Variants in TRAF3 observed in about 807,000 individuals in gnomAD.
TRAF3 encodes the protein TNF receptor-associated factor 3.
Under a neutral mutation model 62.3 loss-of-function variants are expected in TRAF3, and 13 were observed. That is an observed-to-expected ratio of 0.21 (90% confidence interval 0.14 to 0.33). The LOEUF (loss-of-function observed/expected upper bound fraction) is 0.33. Among genes scored for constraint, TRAF3 ranks in the 10% least tolerant of loss-of-function variants. TRAF3 has a pLI of 1.00. For missense variants in TRAF3, 440 were observed against 741.8 expected, an observed-to-expected ratio of 0.59 and a Z score of 4.73; for synonymous variants, 269 against 283.4, an observed-to-expected ratio of 0.95 and a Z score of 0.51.
At chr14:102,816,373 G>A (rs542298325) in intron 1 of TRAF3, among the ~76,000 whole-genome samples, 225 of 152,222 alleles carry the variant, frequency 1.5e-3, no homozygotes, top group African/African-American at 4.5e-3. Context: ...AAAGTGCTAC[G>A]ATTACATGCA....
chr14:102,869,953 AG>A (rs1406738989), intron 2 of TRAF3, among the ~76,000 whole-genome samples: 1 of 151,988 alleles, frequency 6.6e-6, no homozygotes, highest in African/African-American at 2.4e-5. Flanking sequence ...TATACTTTTT[AG>A]GAAGTTTTTT....
At chr14:102,788,667 G>A (rs941685941) in intron 1 of TRAF3, among the ~76,000 whole-genome samples, 3 of 152,120 alleles carry the variant, frequency 2.0e-5, no homozygotes, top group African/African-American at 4.8e-5. Context: ...GCGTGGTGGC[G>A]CATGCCTCTA....
At chr14:102,837,653 A>C (rs76380049) in intron 2 of TRAF3, among the ~76,000 whole-genome samples, 1 of 151,718 alleles carries the variant, frequency 6.6e-6, no homozygotes, top group Non-Finnish European at 1.5e-5. Flanking sequence ...AAAAAAAAAA[A>C]GATACTTGGT....
rs1426485143 is a variant in TRAF3, at chr14:102,910,858, C to G, written c.*5074C>G. Reference sequence around the variant, plus strand: ...GATGACTGGATTTGACAACTTAGTCCCCTCAGACAAGTAAGATACCCTCCA... The same window carrying G: ...GATGACTGGATTTGACAACTTAGTCGCCTCAGACAAGTAAGATACCCTCCA... On this transcript the variant is annotated 3_prime_UTR_variant, in exon 12 of 12. Coordinates refer to ENST00000392745, the MANE Select transcript of TRAF3 (RefSeq NM_145725.3). 1 of 152,144 alleles carries G rather than the reference C, an allele frequency of 6.6e-6. No individual in the cohort carries two copies. Among genetic ancestry groups the G allele is most frequent in the East Asian group, 1.9e-4 (1 of 5,194 alleles). 9.4% of individuals were successfully genotyped at this position (152,144 alleles called of 1,614,324 possible).
chr14:102,850,688 TAAAAAAAAA>T (rs35096461), intron 2 of TRAF3, among the ~76,000 whole-genome samples: 8 of 87,518 alleles, frequency 9.1e-5, no homozygotes, highest in African/African-American at 1.5e-4. Context: ...AGACTCCGTC[TAAAAAAAAA>T]AAAAAAAAAA....
intron 6 of TRAF3, among the ~76,000 whole-genome samples, chr14:102,885,737 G>A (rs1161216839): frequency 6.6e-6 from 1 of 152,190 alleles, no homozygotes; most frequent in Non-Finnish European, 1.5e-5. Flanking sequence ...TCCAAACTAA[G>A]AGGCCAAGGG....
chr14:102,818,079 C>T (rs1354376595), intron 1 of TRAF3, among the ~76,000 whole-genome samples: 3 of 152,164 alleles, frequency 2.0e-5, no homozygotes. Flanking sequence ...GTGGTGGAGG[C>T]AGGCAGGGCC....
At chr14:102,809,482 A>G (rs558354329) in intron 1 of TRAF3, among the ~76,000 whole-genome samples, 5 of 150,982 alleles carry the variant, frequency 3.3e-5, no homozygotes, top group Non-Finnish European at 7.4e-5. Context: ...TGTATCCCAA[A>G]TGAGGATTAT....
rs543749180 is a variant in TRAF3 at position 102,778,716 on chromosome 14, A to AT, written c.-157+1049dup. On this transcript the variant is annotated intron_variant, in intron 1 of 11. Coordinates refer to ENST00000392745, the MANE Select transcript of TRAF3 (RefSeq NM_145725.3). ...TACAACTGAAGAGGAGCCATTATTTATTTTTTTTCCTAGCATTTGCTGCGA... is the reference window on the plus strand; with the variant it reads ...TACAACTGAAGAGGAGCCATTATTTATTTTTTTTTCCTAGCATTTGCTGCGA... 4.8e-4 allele frequency among the ~76,000 whole-genome samples: 73 copies of AT among 151,824 alleles called. 2 individuals carry two copies. The South Asian group carries it at 0.013, about 27-fold the overall frequency.
chr14:102,845,980 C>CAAAA (rs35353834), intron 2 of TRAF3, among the ~76,000 whole-genome samples: 8 of 56,882 alleles, frequency 1.4e-4, no homozygotes, highest in Admixed American at 2.7e-4. Context: ...GACCGTGTCT[C>CAAAA]AAAAAAAAAA....
At position 102,885,394 on chromosome 14, in the gene TRAF3, G is replaced by A. The variant is rs76540060; in HGVS notation, c.571-795G>A. Among the ~76,000 whole-genome samples, 923 of 152,280 alleles carry A rather than the reference G, an allele frequency of 6.1e-3. 9 individuals carry two copies. The highest frequency in any genetic ancestry group is 9.5e-3 in the South Asian group (46 of 4,824). On this transcript the variant is annotated intron_variant, in intron 6 of 11. Transcript: ENST00000392745. ...TGGGAAACCGCTGCCACAGTCTTCT[G>A]CTCAGCAGGGACTGTTCAGCGTGGC...
chr14:102,855,254 A>G (rs1003705823), intron 2 of TRAF3, among the ~76,000 whole-genome samples: 2 of 152,078 alleles, frequency 1.3e-5, no homozygotes, highest in Non-Finnish European at 2.9e-5. Context: ...GGTGGTTTCT[A>G]CCTTTTTGGT....
intron 1 of TRAF3, chr14:102,810,874 A>C (rs898785705): frequency 2.0e-5 from 3 of 152,232 alleles, no homozygotes; most frequent in African/African-American, 7.2e-5. Context: ...AGGTACCCCG[A>C]GTCCATTACA....
rs1038682229 is a variant in TRAF3, at chr14:102,905,089, G to T, written c.1136-124G>T. The T allele has an allele frequency of 7.9e-6, 8 of 1,015,874 alleles. No individual in the cohort carries two copies. The African/African-American group carries it at 1.3e-4, about 16-fold the overall frequency. 62.9% of individuals were successfully genotyped at this position (1,015,874 alleles called of 1,614,324 possible). A position where few individuals can be genotyped will look rare whatever the true frequency, so the allele number is the denominator to read the frequency against. On this transcript the variant is annotated intron_variant, in intron 11 of 11. Transcript: ENST00000392745. ...ATGGTGCCACTGCACTCCAGTCTGG[G>T]CAACAGAGCGAGACTCCGTCTCAAA...
At chr14:102,796,208 T>G (rs531614657) in intron 1 of TRAF3, among the ~76,000 whole-genome samples, 2 of 152,196 alleles carry the variant, frequency 1.3e-5, no homozygotes, top group South Asian at 4.1e-4. Context: ...ACAGCAAGAC[T>G]GTCTCAAAAA....
In TRAF3 at chr14:102,909,129, C is replaced by G. The variant is rs1438720605; in HGVS notation, c.*3345C>G. 6.6e-6 allele frequency: 1 copy of G among 152,312 alleles called. No individual in the cohort carries two copies. Among genetic ancestry groups the G allele is most frequent in the Non-Finnish European group, 1.5e-5 (1 of 68,116 alleles). 9.4% of individuals were successfully genotyped at this position (152,312 alleles called of 1,614,324 possible). On this transcript the variant is annotated 3_prime_UTR_variant, in exon 12 of 12. Coordinates refer to ENST00000392745, the MANE Select transcript of TRAF3 (RefSeq NM_145725.3). ...TGGCTTTGGGACTAGACATGCCAGC[C>G]CCAGCTGGGCTGGAGGGAGCCTGAG...
chr14:102,801,023 G>A (rs955571350), intron 1 of TRAF3, among the ~76,000 whole-genome samples: 7 of 152,074 alleles, frequency 4.6e-5, no homozygotes, highest in Non-Finnish European at 4.4e-5. Flanking sequence ...AAAATTAGCC[G>A]GGCGCAGTGG....
chr14:102,789,209 T>C (rs1470104208), intron 1 of TRAF3, among the ~76,000 whole-genome samples: 1 of 152,248 alleles, frequency 6.6e-6, no homozygotes, highest in African/African-American at 2.4e-5. Flanking sequence ...TTCCTTTTTA[T>C]TGCTGAATCA....
intron 1 of TRAF3, among the ~76,000 whole-genome samples, chr14:102,778,431 C>A (rs766811861): frequency 3.9e-5 from 6 of 152,204 alleles, no homozygotes; most frequent in Admixed American, 6.5e-5. Flanking sequence ...CGGTTGGAAA[C>A]AGTAACAAAC....
Sources: allele counts gnomAD v4.1 joint callset (sites outside exome capture counted in the v4.1 genomes callset), GRCh38; gene constraint gnomAD v4.1.1; transcripts MANE v1.5; gene names NCBI Gene and HGNC (gene_info 2026-07-23, HGNC 2026-07-21).